Variants in SNRPN observed in about 807,000 individuals in gnomAD.
SNRPN encodes small nuclear ribonucleoprotein polypeptide N, also known as small nuclear ribonucleoprotein-associated protein N.
SNRPN carries 7 observed loss-of-function variants against 25.2 expected under a neutral mutation model. That is an observed-to-expected ratio of 0.28 (90% CI 0.16 to 0.52). SNRPN has a LOEUF of 0.52. Ranked by LOEUF, SNRPN falls within the 20% of genes least tolerant of loss-of-function variation. The pLI, the probability that SNRPN is intolerant of heterozygous loss-of-function variation, is 0.96. For missense variants in SNRPN, 196 were observed against 322.5 expected (o/e 0.61, Z 3.00); for synonymous variants, 124 against 110.6 (o/e 1.12, Z -0.76).
At chr15:24,886,315 C>T (rs1307936530) in intron 1 of SNRPN, among the ~76,000 whole-genome samples, 1 of 152,106 alleles carries the variant, frequency 6.6e-6, no homozygotes, top group Admixed American at 6.6e-5. Context: ...ATTTTCCAAC[C>T]ACTAGTCCCC....
intron 3 of SNRPN, among the ~76,000 whole-genome samples, chr15:24,944,888 G>C (rs1034080941): frequency 6.6e-6 from 1 of 152,198 alleles, no homozygotes; most frequent in Non-Finnish European, 1.5e-5. Context: ...AGTCTGGAGA[G>C]AATTTCATCT....
At chr15:24,939,907 A>G (rs1011487366) in intron 3 of SNRPN, among the ~76,000 whole-genome samples, 1 of 151,456 alleles carries the variant, frequency 6.6e-6, no homozygotes, top group African/African-American at 2.4e-5. Flanking sequence ...CTCTTGCTTC[A>G]GCCTCACAAG....
upstream of SNRPN, chr15:24,954,890 G>A: frequency 9.5e-7 from 1 of 1,056,216 alleles, no homozygotes; most frequent in South Asian, 1.5e-5. Flanking sequence ...CCTGCACTGC[G>A]GCAAACAAGC....
intron 3 of SNRPN, among the ~76,000 whole-genome samples, chr15:24,923,876 C>CGTGTGT (rs1488829289): frequency 0.014 from 1,464 of 106,986 alleles, 54 homozygotes; most frequent in African/African-American, 0.05. Flanking sequence ...TTTTTAGTGC[C>CGTGTGT]GTGTATGTGT....
upstream of SNRPN, among the ~76,000 whole-genome samples, chr15:24,854,451 A>C (rs1451665361): frequency 6.6e-6 from 1 of 152,252 alleles, no homozygotes; most frequent in Non-Finnish European, 1.5e-5. Flanking sequence ...ACTGTTGTGA[A>C]TTAAAGTATT....
At chr15:24,869,310 A>T (rs1437524597) in intron 1 of SNRPN, among the ~76,000 whole-genome samples, 1 of 152,222 alleles carries the variant, frequency 6.6e-6, no homozygotes, top group Non-Finnish European at 1.5e-5. Flanking sequence ...TATGCTTAGC[A>T]TATAGTTTCC....
chr15:24,829,678 G>A (rs1176737517), intron 1 of SNRPN: 2 of 152,380 alleles, frequency 1.3e-5, no homozygotes, highest in Non-Finnish European at 2.9e-5. Flanking sequence ...AGTCAGAACA[G>A]GTGAGGGTGG....
At chr15:24,844,489 C>A (rs1289777653) in intron 2 of SNRPN, among the ~76,000 whole-genome samples, 3 of 152,042 alleles carry the variant, frequency 2.0e-5, no homozygotes, top group Non-Finnish European at 4.4e-5. Context: ...CAAAGAGCAG[C>A]ATTTATTTTA....
At chr15:24,891,261 T>C (rs1413882629) in intron 2 of SNRPN, among the ~76,000 whole-genome samples, 1 of 152,134 alleles carries the variant, frequency 6.6e-6, no homozygotes, top group Non-Finnish European at 1.5e-5. Context: ...TGTTGCTCTA[T>C]TTACCAAAGA....
chr15:24,969,703 G>T (rs1436337423), intron 3 of SNRPN, among the ~76,000 whole-genome samples: 4 of 152,044 alleles, frequency 2.6e-5, no homozygotes, highest in Admixed American at 6.6e-5. Context: ...CTGCAAGTAG[G>T]ACCATCTAAT....
intron 1 of SNRPN, among the ~76,000 whole-genome samples, chr15:24,868,121 G>GTGTATATATATA (rs139530727): frequency 6.9e-6 from 1 of 145,916 alleles, no homozygotes; most frequent in African/African-American, 2.5e-5. Context: ...GTGTGTGTGT[G>GTGTATATATATA]TATATATATA....
intron 1 of SNRPN, among the ~76,000 whole-genome samples, chr15:24,961,723 ATTTTTTGAAAC>A (rs2074857488): frequency 6.6e-6 from 1 of 152,094 alleles, no homozygotes; most frequent in African/African-American, 2.4e-5. Flanking sequence ...TCCTAAAAAT[ATTTTTTGAAAC>A]CATTTTGGAA....
chr15:24,963,173 A>G (rs901827653), intron 2 of SNRPN, among the ~76,000 whole-genome samples: 1 of 152,196 alleles, frequency 6.6e-6, no homozygotes, highest in African/African-American at 2.4e-5. Flanking sequence ...TGTCTTGGTG[A>G]TCTTTTCATA....
At chr15:24,877,498 T>C (rs2056039123) in intron 1 of SNRPN, among the ~76,000 whole-genome samples, 1 of 152,222 alleles carries the variant, frequency 6.6e-6, no homozygotes, top group Admixed American at 6.5e-5. Context: ...GTTTTAAAAC[T>C]TAAACATAAT....
chr15:24,914,036 G>T (rs1217374158), intron 2 of SNRPN, among the ~76,000 whole-genome samples: 1 of 152,172 alleles, frequency 6.6e-6, no homozygotes, highest in Non-Finnish European at 1.5e-5. Context: ...GCTGACCAGG[G>T]TCTAAAGTTT....
In SNRPN at chr15:24,884,263, G is replaced by A. The variant is rs371328073; in HGVS notation, c.-578-2253G>A. ...GTGGGAGGATCGCTTGAGCCCAGAA[G>A]GTCAAGGCTGCCGTGAGGCATGATG... On this transcript the variant is annotated intron_variant, in intron 1 of 11. Transcript: ENST00000400097. Among the ~76,000 whole-genome samples the A allele has an allele frequency of 7.9e-5, 12 of 152,214 alleles. 2 individuals are homozygous for A. Among genetic ancestry groups the A allele is most frequent in the African/African-American group, 2.6e-4 (11 of 41,530 alleles).
chr15:24,855,722 G>C (rs936238594), upstream of SNRPN, among the ~76,000 whole-genome samples: 1 of 150,058 alleles, frequency 6.7e-6, no homozygotes, highest in Admixed American at 6.7e-5. Flanking sequence ...AACTCAGGAG[G>C]AGGAGGTTGC....
chr15:24,938,770 A>G (rs1388068541), intron 3 of SNRPN, among the ~76,000 whole-genome samples: 1 of 152,102 alleles, frequency 6.6e-6, no homozygotes, highest in Non-Finnish European at 1.5e-5. Context: ...AGTTTAAATA[A>G]TTCTGGTTGG....
chr15:24,942,652 A>G (rs1292356465), intron 3 of SNRPN, among the ~76,000 whole-genome samples: 1 of 152,246 alleles, frequency 6.6e-6, no homozygotes, highest in African/African-American at 2.4e-5. Flanking sequence ...CAGAGTAAGC[A>G]TCTGTTCTAG....
Sources: gnomAD v4.1 joint callset for allele counts (sites outside exome capture counted in the v4.1 genomes callset) on GRCh38, gnomAD v4.1.1 for gene constraint, MANE v1.5 for transcripts, NCBI Gene and HGNC (gene_info 2026-07-23, HGNC 2026-07-21) for gene names.